RAP1GDS1: variants seen among roughly 807,000 people sequenced by gnomAD.
RAP1GDS1 encodes RAP1, GTP-GDP dissociation stimulator 1.
Under a neutral mutation model 71.1 loss-of-function variants are expected in RAP1GDS1, and 35 were observed. The observed-to-expected ratio is 0.49, with a 90% CI of 0.38 to 0.65. RAP1GDS1 has a LOEUF of 0.65. RAP1GDS1 is among the 30% of genes least tolerant of loss of function. The pLI is 0.00. For synonymous variants in RAP1GDS1, 229 were observed against 243.1 expected (o/e 0.94, Z 0.54); for missense variants, 663 against 706.1 (o/e 0.94, Z 0.69).
chr4:98,345,364 C>T (rs913943305), intron 3 of RAP1GDS1, among the ~76,000 whole-genome samples: 4 of 152,062 alleles, frequency 2.6e-5, no homozygotes, highest in Non-Finnish European at 4.4e-5. Flanking sequence ...GGTTTTTGTA[C>T]GCACAAAAAG....
chr4:98,374,141 G>T (rs1198825221), intron 4 of RAP1GDS1, among the ~76,000 whole-genome samples: 7 of 152,090 alleles, frequency 4.6e-5, no homozygotes, highest in Admixed American at 1.3e-4. Flanking sequence ...GTACACTTAG[G>T]TTAGACCATT....
At chr4:98,308,847 G>A (rs1729785849) in intron 2 of RAP1GDS1, among the ~76,000 whole-genome samples, 1 of 151,968 alleles carries the variant, frequency 6.6e-6, no homozygotes, top group Non-Finnish European at 1.5e-5. Context: ...GACAAACATA[G>A]GAGATTTCTT....
At chr4:98,332,493 C>T (rs556285297) in intron 2 of RAP1GDS1, among the ~76,000 whole-genome samples, 1 of 152,076 alleles carries the variant, frequency 6.6e-6, no homozygotes, top group South Asian at 2.1e-4. Context: ...AGTTATTGTC[C>T]CAGCTAAACA....
intron 1 of RAP1GDS1, among the ~76,000 whole-genome samples, chr4:98,275,875 T>G (rs1408590316): frequency 6.6e-6 from 1 of 152,168 alleles, no homozygotes; most frequent in Non-Finnish European, 1.5e-5. Context: ...CATGTAAGTT[T>G]AGGCCCTTAT....
chr4:98,310,271 A>G (rs7654497), intron 2 of RAP1GDS1, among the ~76,000 whole-genome samples: 22,365 of 151,978 alleles, frequency 0.15, 2,453 homozygotes, highest in African/African-American at 0.3. Context: ...TCTTTTGTGG[A>G]GTAGAGACTG....
chr4:98,400,988 G>A (rs1172329434), intron 6 of RAP1GDS1, among the ~76,000 whole-genome samples: 1 of 151,984 alleles, frequency 6.6e-6, no homozygotes, highest in East Asian at 1.9e-4. Context: ...TTTATCTCTG[G>A]AAGCCACTGG....
intron 13 of RAP1GDS1, among the ~76,000 whole-genome samples, chr4:98,434,980 A>G (rs1224305349): frequency 1.3e-5 from 2 of 152,148 alleles, no homozygotes; most frequent in African/African-American, 4.8e-5. Context: ...GTAGACATCT[A>G]GTTTATGAAT....
At chr4:98,337,411 T>C (rs1040767877) in intron 2 of RAP1GDS1, among the ~76,000 whole-genome samples, 1 of 152,194 alleles carries the variant, frequency 6.6e-6, no homozygotes, top group African/African-American at 2.4e-5. Flanking sequence ...ACATATAACT[T>C]CTAAATGACA....
At chr4:98,336,856 C>G (rs1268716309) in intron 2 of RAP1GDS1, among the ~76,000 whole-genome samples, 1 of 151,820 alleles carries the variant, frequency 6.6e-6, no homozygotes, top group Non-Finnish European at 1.5e-5. Flanking sequence ...TATTTCTCTT[C>G]TGTGTTTTCA....
At chr4:98,284,950 C>T (rs892193220) in intron 1 of RAP1GDS1, among the ~76,000 whole-genome samples, 4 of 152,138 alleles carry the variant, frequency 2.6e-5, no homozygotes, top group African/African-American at 7.2e-5. Flanking sequence ...GAGTCACTCC[C>T]AGTCACCCCT....
intron 2 of RAP1GDS1, among the ~76,000 whole-genome samples, chr4:98,319,875 C>T (rs1191353820): frequency 6.6e-6 from 1 of 151,956 alleles, no homozygotes; most frequent in Admixed American, 6.6e-5. Flanking sequence ...ACCAAGTGTG[C>T]CTGCCTCTCC....
chr4:98,350,716 T>C (rs1463751840), intron 3 of RAP1GDS1, among the ~76,000 whole-genome samples: 1 of 152,142 alleles, frequency 6.6e-6, no homozygotes, highest in Admixed American at 6.5e-5. Context: ...CACTTGCCTG[T>C]AGTCCCAGCT....
At position 98,392,949 on chromosome 4, in the gene RAP1GDS1, T is replaced by G. The variant is rs545234899; in HGVS notation, c.637+869T>G. On this transcript the variant is annotated intron_variant, in intron 6 of 14. Transcript: ENST00000408927. The stretch of plus-strand genomic sequence containing the variant: ...ATCCTAGTCATAACACAGAGGAGGA[T>G]GATGGCCTCAGCACCTCCACCTCTT... Among the ~76,000 whole-genome samples the G allele has an allele frequency of 2.0e-4, 30 of 152,252 alleles. No homozygotes were observed. The South Asian group carries it at 3.9e-3, about 20-fold the overall frequency.
At chr4:98,390,798 A>G (rs978444185) in intron 5 of RAP1GDS1, among the ~76,000 whole-genome samples, 1 of 152,190 alleles carries the variant, frequency 6.6e-6, no homozygotes, top group East Asian at 1.9e-4. Context: ...ACTATGAGGA[A>G]CGTGTTTTTG....
chr4:98,383,925 C>T (rs1742365767), intron 5 of RAP1GDS1, among the ~76,000 whole-genome samples: 1 of 151,476 alleles, frequency 6.6e-6, no homozygotes, highest in African/African-American at 2.4e-5. Flanking sequence ...AAATGATTTG[C>T]TTCACATGAG....
chr4:98,376,434 A>G (rs1414937251), intron 4 of RAP1GDS1, among the ~76,000 whole-genome samples: 2 of 152,088 alleles, frequency 1.3e-5, no homozygotes, highest in Non-Finnish European at 2.9e-5. Flanking sequence ...GACTTGTGCA[A>G]TGATAGCTGT....
At position 98,408,219 on chromosome 4, in the gene RAP1GDS1, G is replaced by A. The variant is rs552377917; in HGVS notation, c.763+3617G>A. Among the ~76,000 whole-genome samples the A allele has an allele frequency of 1.8e-3, 272 of 151,982 alleles. 1 individual carries two copies. The highest frequency in any genetic ancestry group is 3.2e-3 in the Non-Finnish European group (219 of 67,952). ...CACCTGGGATGCAGCCTCCATCTCC[G>A]AGGTTCAAGCAATTCTCCTGCCTCG... On this transcript the variant is annotated intron_variant, in intron 7 of 14. Transcript: ENST00000408927.
intron 6 of RAP1GDS1, among the ~76,000 whole-genome samples, chr4:98,402,589 T>A (rs1745590690): frequency 6.6e-6 from 1 of 152,202 alleles, no homozygotes; most frequent in Admixed American, 6.5e-5. Flanking sequence ...AATAGATCCG[T>A]TGACAATGTG....
At chr4:98,307,562 G>C (rs1345057482) in intron 2 of RAP1GDS1, among the ~76,000 whole-genome samples, 1 of 151,984 alleles carries the variant, frequency 6.6e-6, no homozygotes, top group Non-Finnish European at 1.5e-5. Context: ...AGTAAGATTA[G>C]GTAGTTTGGT....
Sources: gnomAD v4.1 joint callset for allele counts (sites outside exome capture counted in the v4.1 genomes callset) on GRCh38, gnomAD v4.1.1 for gene constraint, MANE v1.5 for transcripts, NCBI Gene and HGNC (gene_info 2026-07-23, HGNC 2026-07-21) for gene names.